CFAP161: variants seen among roughly 807,000 people sequenced by gnomAD.
CFAP161 encodes cilia and flagella associated protein 161.
CFAP161 carries 25 observed loss-of-function variants against 29.0 expected under a neutral mutation model. The observed-to-expected ratio is 0.86, with a 90% CI of 0.63 to 1.20. CFAP161 has a LOEUF of 1.20. CFAP161 is among the 50% of genes most tolerant of loss of function. The pLI is 0.00. For synonymous variants in CFAP161, 116 were observed against 137.4 expected (o/e 0.84, Z 1.09); for missense variants, 367 against 371.9 (o/e 0.99, Z 0.11).
At chr15:81,104,271 A>C (rs958265473) in intron 1 of CFAP161, among the ~76,000 whole-genome samples, 7 of 152,260 alleles carry the variant, frequency 4.6e-5, no homozygotes, top group Non-Finnish European at 1.0e-4. Context: ...GCCAGGAGGC[A>C]TCCACAGACA....
rs201483243 is a variant in CFAP161 at position 81,136,643 on chromosome 15, C to G, written c.287C>G (p.Pro96Arg). The G allele has an allele frequency of 4.3e-6, 7 of 1,614,182 alleles. No individual in the cohort carries two copies. The highest frequency in any genetic ancestry group is 4.0e-5 in the African/African-American group (3 of 75,060). ...GGGGACCTGAGCCTGTGTATGACTC[C>G]AGATGAAATTCAGTCCCATCTGAAA... is the stretch of plus-strand genomic sequence containing the variant. ...LRGDLSLCMTPDEIQSHLKDE... is the reference protein window; with the variant it reads ...LRGDLSLCMTRDEIQSHLKDE... Residue 96 changes from proline (P) to arginine (R), a missense_variant, in exon 3 of 7, where the codon CCA becomes CGA. Pro to Arg is a moderately radical substitution (Grantham distance 103, BLOSUM62 -2). Transcript: ENST00000286732.
intron 1 of CFAP161, among the ~76,000 whole-genome samples, chr15:81,111,265 A>C (rs1894436709): frequency 6.6e-6 from 1 of 152,248 alleles, no homozygotes; most frequent in African/African-American, 2.4e-5. Context: ...CACTGCATCC[A>C]GAAGGCTGAG....
chr15:81,104,402 A>G (rs1222339287), intron 1 of CFAP161, among the ~76,000 whole-genome samples: 1 of 152,206 alleles, frequency 6.6e-6, no homozygotes, highest in East Asian at 1.9e-4. Flanking sequence ...CCTAGGCCTT[A>G]CCCAGGTCGT....
intron 1 of CFAP161, among the ~76,000 whole-genome samples, chr15:81,112,767 C>A (rs1262671063): frequency 7.2e-5 from 11 of 152,010 alleles, no homozygotes; most frequent in Admixed American, 3.9e-4. Flanking sequence ...ATTTAATGTA[C>A]CTGAGACCCT....
At position 81,136,618 on chromosome 15, in the gene CFAP161, G is replaced by A. The variant is rs543896743; in HGVS notation, c.262G>A (p.Gly88Arg). 1.2e-5 allele frequency: 19 copies of A among 1,614,024 alleles called. No individual in the cohort carries two copies. Among genetic ancestry groups the A allele is most frequent in the Non-Finnish European group, 1.6e-5 (19 of 1,180,038 alleles). ...CACAGAAGCTGATGTGTTTCTGCGTGGGGACCTGAGCCTGTGTATGACTCC... is the reference window on the plus strand; with the variant it reads ...CACAGAAGCTGATGTGTTTCTGCGTAGGGACCTGAGCCTGTGTATGACTCC... ...PDTEADVFLRGDLSLCMTPDE... is the reference protein window; with the variant it reads ...PDTEADVFLRRDLSLCMTPDE... Residue 88 changes from glycine (G) to arginine (R), a missense_variant, in exon 3 of 7, where the codon GGG (glycine) becomes AGG (arginine). Transcript: ENST00000286732.
At chr15:81,142,790 A>G (rs1894933352) in intron 4 of CFAP161, among the ~76,000 whole-genome samples, 1 of 152,160 alleles carries the variant, frequency 6.6e-6, no homozygotes, top group African/African-American at 2.4e-5. Flanking sequence ...CCAGTGAAGA[A>G]CTAGCAAAGG....
intron 1 of CFAP161, among the ~76,000 whole-genome samples, chr15:81,118,678 G>A (rs1181353019): frequency 6.6e-6 from 1 of 152,248 alleles, no homozygotes; most frequent in Non-Finnish European, 1.5e-5. Context: ...CACGAGGGCC[G>A]CACCGGGCTG....
At chr15:81,144,804 G>T (rs914095316) in intron 5 of CFAP161, among the ~76,000 whole-genome samples, 1 of 148,034 alleles carries the variant, frequency 6.8e-6, no homozygotes, top group Non-Finnish European at 1.5e-5. Context: ...AAAAAAGAAA[G>T]AAAAAGAGCT....
intron 1 of CFAP161, among the ~76,000 whole-genome samples, chr15:81,105,238 TTC>T (rs1194889726): frequency 8.7e-5 from 9 of 103,602 alleles, no homozygotes; most frequent in Non-Finnish European, 1.4e-4. Flanking sequence ...CCCTCTTTCT[TTC>T]TCTCTCTCTC....
chr15:81,105,341 C>CCCTCCTTCCCTCCTTCCTTCTTTT (rs71782921), intron 1 of CFAP161, among the ~76,000 whole-genome samples: 8 of 125,394 alleles, frequency 6.4e-5, no homozygotes, highest in Non-Finnish European at 3.2e-5. Context: ...TTCTTTTCTT[C>CCCTCCTTCCCTCCTTCCTTCTTTT]CCTCCTTCCC....
exon 2 of CFAP161, chr15:81,127,650 AGGG>A (rs1555449599): frequency 6.9e-6 from 1 of 145,722 alleles, no homozygotes; most frequent in Non-Finnish European, 1.5e-5. Context: ...AAAGAAGAGG[AGGG>A]GCTCAACCTG....
At chr15:81,148,194 G>T in intron 6 of CFAP161, 144 bp from the exon 7 acceptor site, 2 of 883,414 alleles carry the variant, frequency 2.3e-6, no homozygotes, top group Non-Finnish European at 3.4e-6. Flanking sequence ...TAACCTCCCT[G>T]CAAACATGTC....
At chr15:81,105,159 CCCTT>C (rs1223271741) in intron 1 of CFAP161, among the ~76,000 whole-genome samples, 5 of 35,188 alleles carry the variant, frequency 1.4e-4, no homozygotes, top group East Asian at 6.9e-4. Flanking sequence ...CTCCCTCCCT[CCCTT>C]CCTTCCTCCC....
rs1471401084 is a variant in CFAP161, at chr15:81,137,978, T to TA, written c.393-67dup. The stretch of plus-strand genomic sequence containing the variant: ...CTGATTATAAACAAAATTGCATGCA[T>TA]AAAAAATAGAGTCATAGAATGATTC... On this transcript the variant is annotated intron_variant, in intron 3 of 6. Transcript: ENST00000286732. 34 of 1,171,518 alleles carry TA rather than the reference T, an allele frequency of 2.9e-5. No individual in the cohort carries two copies. In the East Asian group the frequency reaches 7.6e-4, roughly 26 times the overall value. 72.6% of individuals were successfully genotyped at this position (1,171,518 alleles called of 1,614,324 possible).
intron 3 of CFAP161, among the ~76,000 whole-genome samples, chr15:81,137,096 A>ATTTT (rs370003742): frequency 0.022 from 3,292 of 149,278 alleles, 46 homozygotes; most frequent in African/African-American, 0.042. Flanking sequence ...TAATACGGCT[A>ATTTT]TTTTTTTTTT....
intron 5 of CFAP161, among the ~76,000 whole-genome samples, chr15:81,144,980 T>C (rs1894982752): frequency 6.6e-6 from 1 of 151,598 alleles, no homozygotes; most frequent in African/African-American, 2.4e-5. Flanking sequence ...AGGTGGGAGG[T>C]CTTGTGGGCA....
At chr15:81,140,267 A>G (rs1894884337) in intron 4 of CFAP161, among the ~76,000 whole-genome samples, 1 of 152,202 alleles carries the variant, frequency 6.6e-6, no homozygotes, top group African/African-American at 2.4e-5. Flanking sequence ...AGACTGCTTC[A>G]GAGATCTGAT....
chr15:81,141,496 G>T lies in CFAP161; in HGVS notation c.478-2166G>T, dbSNP rs970785584. Among the ~76,000 whole-genome samples the T allele has an allele frequency of 1.6e-4, 24 of 152,134 alleles. 1 individual carries two copies. The highest frequency in any genetic ancestry group is 3.4e-3 in the Middle Eastern group (1 of 294). On this transcript the variant is annotated intron_variant, in intron 4 of 6. Transcript: ENST00000286732. The stretch of plus-strand genomic sequence containing the variant: ...GAAGACAGTCATTTAATCTTCAAAT[G>T]ATGACAATTTTCTCTCTTCCTCAAT...
At chr15:81,132,328 A>G (rs909435442), upstream of CFAP161, among the ~76,000 whole-genome samples, 3 of 152,190 alleles carry the variant, frequency 2.0e-5, no homozygotes, top group Admixed American at 1.3e-4. Context: ...CATATTTAAA[A>G]TATTGAAAGA....
Sources: allele counts gnomAD v4.1 joint callset (sites outside exome capture counted in the v4.1 genomes callset), GRCh38; gene constraint gnomAD v4.1.1; transcripts MANE v1.5; gene names NCBI Gene and HGNC (gene_info 2026-07-23, HGNC 2026-07-21).